Variants in GLRA2 observed in about 807,000 individuals in gnomAD.
GLRA2 encodes glycine receptor alpha 2.
Under a neutral mutation model 31.6 loss-of-function variants are expected in GLRA2, and 11 were observed. That is an observed-to-expected ratio of 0.35 (90% CI 0.22 to 0.58). GLRA2 has a LOEUF of 0.58. Ranked by LOEUF, GLRA2 falls within the 20% of genes least tolerant of loss-of-function variation. GLRA2 has a pLI of 0.84. For synonymous variants in GLRA2, 132 were observed against 134.0 expected (o/e 0.99, Z 0.10); for missense variants, 212 against 351.8 (o/e 0.60, Z 3.18).
At chrX:14,574,485 C>T (rs371124324) in intron 3 of GLRA2, 85 bp downstream of exon 3, 18 of 1,193,287 alleles carry the variant, frequency 1.5e-5, no homozygotes, top group Non-Finnish European at 1.9e-5. Flanking sequence ...TATTGTTCAA[C>T]TTGCAGGGCC....
chrX:14,658,107 T>C (rs1462825666), intron 7 of GLRA2, among the ~76,000 whole-genome samples: 1 of 111,778 alleles, frequency 8.9e-6, no homozygotes, highest in Non-Finnish European at 1.9e-5. Flanking sequence ...ATAGTCATAT[T>C]GCATATCTTC....
chrX:14,479,387 T>G, the GLRA2 span, among the ~76,000 whole-genome samples: 2 of 111,654 alleles, frequency 1.8e-5, no homozygotes, highest in East Asian at 5.7e-4. Flanking sequence ...TTTATTTTCT[T>G]TTTATCAACT....
At chrX:14,549,804 C>T (rs2089532452) in intron 2 of GLRA2, among the ~76,000 whole-genome samples, 2 of 111,090 alleles carry the variant, frequency 1.8e-5, no homozygotes, top group Admixed American at 1.9e-4. Context: ...GCTAAGATCA[C>T]CCAGTGAGAA....
chrX:14,617,847 C>T (rs1162751705), intron 7 of GLRA2, among the ~76,000 whole-genome samples: 2 of 111,918 alleles, frequency 1.8e-5, no homozygotes, highest in Non-Finnish European at 3.8e-5. Context: ...GTTTGTTACA[C>T]AGCAAAAGTT....
intron 2 of GLRA2, among the ~76,000 whole-genome samples, chrX:14,537,383 A>C (rs1413912591): frequency 5.4e-5 from 6 of 111,400 alleles, no homozygotes; most frequent in Non-Finnish European, 1.1e-4. Context: ...ATGTATTTCC[A>C]ATTCAAAAGG....
intron 2 of GLRA2, among the ~76,000 whole-genome samples, chrX:14,537,919 A>G (rs1024458550): frequency 9.2e-6 from 1 of 108,759 alleles, no homozygotes; most frequent in African/African-American, 3.3e-5. Flanking sequence ...ATCAAAAATC[A>G]CTGGCTGTGT....
chrX:14,715,121 C>A (rs1178641622), intron 8 of GLRA2, among the ~76,000 whole-genome samples: 3 of 112,096 alleles, frequency 2.7e-5, no homozygotes, highest in African/African-American at 9.7e-5. Context: ...CATTTGTTTT[C>A]CTTGCAAATA....
intron 7 of GLRA2, among the ~76,000 whole-genome samples, chrX:14,669,107 G>C (rs2091064421): frequency 8.9e-6 from 1 of 112,271 alleles, no homozygotes; most frequent in South Asian, 3.7e-4. Flanking sequence ...AGGGGCTACA[G>C]GCCCCATGCA....
intron 2 of GLRA2, among the ~76,000 whole-genome samples, chrX:14,562,368 G>C (rs774017431): frequency 8.9e-6 from 1 of 112,157 alleles, no homozygotes; most frequent in African/African-American, 3.2e-5. Context: ...AGTAGTTTTG[G>C]TTTAAAATTG....
intron 7 of GLRA2, among the ~76,000 whole-genome samples, chrX:14,664,875 C>G (rs751214198): frequency 1.8e-5 from 2 of 111,426 alleles, no homozygotes; most frequent in South Asian, 7.6e-4. Context: ...TTGGAGGTGT[C>G]CGGCAAATGG....
At chrX:14,512,541 A>G in the GLRA2 span, among the ~76,000 whole-genome samples, 46 of 111,389 alleles carry the variant, frequency 4.1e-4, 1 homozygote, top group African/African-American at 1.1e-3. Flanking sequence ...TCTTCAAAAA[A>G]CTCCTAGAAC....
the GLRA2 span, among the ~76,000 whole-genome samples, chrX:14,505,513 A>G: frequency 9.0e-6 from 1 of 111,704 alleles, no homozygotes; most frequent in African/African-American, 3.3e-5. Context: ...CTATAAAGAG[A>G]TACAGACAAT....
At chrX:14,511,383 A>T in the GLRA2 span, among the ~76,000 whole-genome samples, 1 of 111,216 alleles carries the variant, frequency 9.0e-6, no homozygotes, top group Middle Eastern at 4.2e-3. Flanking sequence ...CCCCCTTTAA[A>T]TTTTTTCTGA....
At chrX:14,642,888 T>C (rs760857526) in intron 7 of GLRA2, among the ~76,000 whole-genome samples, 4 of 111,512 alleles carry the variant, frequency 3.6e-5, no homozygotes, top group Admixed American at 2.9e-4. Context: ...ATCATGTCCA[T>C]GATTGCATCA....
At chrX:14,722,096 T>C (rs2091873594) in intron 8 of GLRA2, among the ~76,000 whole-genome samples, 1 of 112,098 alleles carries the variant, frequency 8.9e-6, no homozygotes, top group African/African-American at 3.2e-5. Context: ...AGCTATCTAT[T>C]ACTGCATAAT....
intron 3 of GLRA2, among the ~76,000 whole-genome samples, chrX:14,578,241 T>G (rs2147062203): frequency 8.9e-6 from 1 of 111,802 alleles, no homozygotes; most frequent in Non-Finnish European, 1.9e-5. Flanking sequence ...GATGGCTTTC[T>G]TTGTTGCTAT....
chrX:14,575,860 G>C (rs2089951854), intron 3 of GLRA2, among the ~76,000 whole-genome samples: 1 of 111,377 alleles, frequency 9.0e-6, no homozygotes, highest in African/African-American at 3.3e-5. Flanking sequence ...CTACAGCATG[G>C]AGGTTGCATT....
At chrX:14,515,953 T>A in the GLRA2 span, among the ~76,000 whole-genome samples, 1 of 112,131 alleles carries the variant, frequency 8.9e-6, no homozygotes, top group African/African-American at 3.2e-5. Flanking sequence ...GATCACCAAC[T>A]TAAAATAACT....
the GLRA2 span, among the ~76,000 whole-genome samples, chrX:14,474,855 G>A: frequency 6.2e-5 from 7 of 112,042 alleles, no homozygotes; most frequent in East Asian, 1.1e-3. Flanking sequence ...TATTTTTCAA[G>A]TTTCTGCTTA....
Sources: gnomAD v4.1 joint callset for allele counts (sites outside exome capture counted in the v4.1 genomes callset) on GRCh38, gnomAD v4.1.1 for gene constraint, MANE v1.5 for transcripts, NCBI Gene and HGNC (gene_info 2026-07-23, HGNC 2026-07-21) for gene names.